ZNF385B: variants seen among roughly 807,000 people sequenced by gnomAD.
ZNF385B encodes the protein zinc finger protein 385B.
Under a neutral mutation model 39.2 loss-of-function variants are expected in ZNF385B, and 23 were observed. The ratio of observed to expected loss-of-function variants is 0.59; its 90% CI spans 0.42 to 0.83. The LOEUF is 0.83. Among genes scored for constraint, ZNF385B ranks in the 40% least tolerant of loss-of-function variants. The probability of loss-of-function intolerance (pLI) is 0.00; values close to 1 mark genes in which losing one functional copy is unlikely to be tolerated. For missense variants in ZNF385B, 552 were observed against 598.9 expected (o/e 0.92, Z 0.82); for synonymous variants, 205 against 222.6 (o/e 0.92, Z 0.70).
At position 179,714,033 on chromosome 2, in the gene ZNF385B, T is replaced by C. The variant is rs529448819; in HGVS notation, c.298+55470A>G. Among the ~76,000 whole-genome samples, 10 of 152,228 alleles carry C rather than the reference T, an allele frequency of 6.6e-5. No individual in the cohort carries two copies. The South Asian group carries it at 1.9e-3, about 28-fold the overall frequency. On this transcript the variant is annotated intron_variant, in intron 3 of 9. Coordinates refer to ENST00000410066, the MANE Select transcript of ZNF385B (RefSeq NM_152520.6). The stretch of plus-strand genomic sequence containing the variant: ...GCAAAATGGGTACAGTGGTAAACAT[T>C]TGAATGTTGGAAAGTCAAGCAAAAT...
chr2:179,576,020 C>T, intron 3 of ZNF385B: 1 of 400,646 alleles, frequency 2.5e-6, no homozygotes, highest in Non-Finnish European at 3.4e-6. Flanking sequence ...AACTCCTCTC[C>T]TTGTATTCTT....
intron 1 of ZNF385B, chr2:179,860,721 C>A: frequency 2.4e-6 from 1 of 414,986 alleles, no homozygotes; most frequent in South Asian, 1.7e-5. Context: ...CCCCAAACTT[C>A]CAGCCCAGGT....
intron 3 of ZNF385B, among the ~76,000 whole-genome samples, chr2:179,558,468 A>G (rs2061101065): frequency 6.6e-6 from 1 of 152,154 alleles, no homozygotes; most frequent in Admixed American, 6.6e-5. Context: ...ATTTGAGAAA[A>G]CAGAGTTAAT....
chr2:179,795,965 T>G (rs1409415101), intron 1 of ZNF385B, among the ~76,000 whole-genome samples: 1 of 152,214 alleles, frequency 6.6e-6, no homozygotes, highest in African/African-American at 2.4e-5. Flanking sequence ...CTATAGACTA[T>G]GCCAATTTAT....
At chr2:179,737,806 G>A (rs143090986) in intron 3 of ZNF385B, among the ~76,000 whole-genome samples, 40 of 152,258 alleles carry the variant, frequency 2.6e-4, no homozygotes, top group Admixed American at 2.0e-3. Flanking sequence ...TAAGGAAACC[G>A]AGACTTGGAA....
chr2:179,781,794 C>T (rs903148110), intron 1 of ZNF385B, among the ~76,000 whole-genome samples: 13 of 152,068 alleles, frequency 8.5e-5, no homozygotes, highest in African/African-American at 3.1e-4. Flanking sequence ...ATTCCATGAA[C>T]AAACCAATAA....
At chr2:179,666,852 A>G (rs1252284127) in intron 3 of ZNF385B, among the ~76,000 whole-genome samples, 2 of 152,138 alleles carry the variant, frequency 1.3e-5, no homozygotes, top group African/African-American at 4.8e-5. Flanking sequence ...GGGCTAATCT[A>G]CAAAATGTAT....
chr2:179,467,447 T>C (rs1199624632), intron 6 of ZNF385B, among the ~76,000 whole-genome samples: 1 of 152,234 alleles, frequency 6.6e-6, no homozygotes, highest in African/African-American at 2.4e-5. Context: ...TCTGCCATTT[T>C]GTAGAAGTGG....
intron 3 of ZNF385B, among the ~76,000 whole-genome samples, chr2:179,560,082 C>A (rs949320881): frequency 1.3e-5 from 2 of 152,048 alleles, no homozygotes; most frequent in African/African-American, 2.4e-5. Context: ...CATGTTGTTG[C>A]AAATGGTAGG....
chr2:179,637,084 C>G (rs1284136281), intron 3 of ZNF385B: 1 of 152,198 alleles, frequency 6.6e-6, no homozygotes, highest in Non-Finnish European at 1.5e-5. Flanking sequence ...AGCATACTCA[C>G]TAGCAAGAGG....
chr2:179,519,058 G>C (rs2058298416), intron 4 of ZNF385B, among the ~76,000 whole-genome samples: 1 of 152,146 alleles, frequency 6.6e-6, no homozygotes, highest in African/African-American at 2.4e-5. Flanking sequence ...ATAGTTCACT[G>C]CAGCCTCAAC....
chr2:179,577,149 C>T (rs948069486), intron 3 of ZNF385B, among the ~76,000 whole-genome samples: 3 of 152,108 alleles, frequency 2.0e-5, no homozygotes, highest in African/African-American at 7.2e-5. Context: ...AGAGTAAAAC[C>T]TAAGACTTTC....
intron 2 of ZNF385B, 74 bp from the exon 3 acceptor site, chr2:179,769,876 T>G: frequency 7.1e-7 from 1 of 1,415,872 alleles, no homozygotes; most frequent in Non-Finnish European, 9.5e-7. Flanking sequence ...ACAATTAATC[T>G]TTAAGGGTTT....
chr2:179,649,805 T>C (rs942788026), intron 3 of ZNF385B, among the ~76,000 whole-genome samples: 1 of 152,238 alleles, frequency 6.6e-6, no homozygotes, highest in Non-Finnish European at 1.5e-5. Flanking sequence ...TTGCTTTTTG[T>C]TACATTTCTT....
At chr2:179,590,962 C>T (rs570721827) in intron 3 of ZNF385B, among the ~76,000 whole-genome samples, 1 of 152,094 alleles carries the variant, frequency 6.6e-6, no homozygotes, top group African/African-American at 2.4e-5. Context: ...AACTAATACA[C>T]TGACCTACAT....
At chr2:179,598,489 T>C (rs1688169276) in intron 3 of ZNF385B, among the ~76,000 whole-genome samples, 1 of 152,200 alleles carries the variant, frequency 6.6e-6, no homozygotes, top group African/African-American at 2.4e-5. Context: ...GTTCAAAGCA[T>C]GTTACAGACT....
intron 3 of ZNF385B, among the ~76,000 whole-genome samples, chr2:179,732,363 T>C (rs1437000998): frequency 6.6e-6 from 1 of 152,184 alleles, no homozygotes; most frequent in Non-Finnish European, 1.5e-5. Flanking sequence ...ATGCCAGCAA[T>C]TATGCAGCTG....
rs192474213 is a variant in ZNF385B, at chr2:179,828,678, T to C, written c.-155+32423A>G. Among the ~76,000 whole-genome samples, 203 of 152,246 alleles carry C rather than the reference T, an allele frequency of 1.3e-3. 1 individual carries two copies. The highest frequency in any genetic ancestry group is 4.5e-3 in the African/African-American group (189 of 41,546). ...TTCATGAAGTTTGAGAGTATGAAAATTACGAATCACTTCAAGAACTTTAAA... is the reference window on the plus strand; with the variant it reads ...TTCATGAAGTTTGAGAGTATGAAAACTACGAATCACTTCAAGAACTTTAAA... On this transcript the variant is annotated intron_variant, in intron 1 of 9. Transcript: ENST00000410066.
chr2:179,666,440 C>T (rs1056385680), intron 3 of ZNF385B, among the ~76,000 whole-genome samples: 4 of 152,112 alleles, frequency 2.6e-5, no homozygotes, highest in African/African-American at 7.2e-5. Context: ...AACCATCTTA[C>T]TAATGAAAAG....
Sources: allele counts gnomAD v4.1 joint callset (sites outside exome capture counted in the v4.1 genomes callset), GRCh38; gene constraint gnomAD v4.1.1; transcripts MANE v1.5; gene names NCBI Gene and HGNC (gene_info 2026-07-23, HGNC 2026-07-21).